Variants in APOBEC1 observed in about 807,000 individuals in gnomAD.
APOBEC1 encodes apolipoprotein B mRNA editing enzyme catalytic subunit 1, also known as C->U-editing enzyme APOBEC-1.
Under a neutral mutation model 26.3 loss-of-function variants are expected in APOBEC1, and 22 were observed. The ratio of observed to expected loss-of-function variants is 0.84; its 90% confidence interval spans 0.60 to 1.19. The LOEUF (loss-of-function observed/expected upper bound fraction) is 1.19. Among genes scored for constraint, APOBEC1 ranks in the 50% most tolerant of loss-of-function variants. The pLI, the probability that APOBEC1 is intolerant of heterozygous loss-of-function variation, is 0.00. For synonymous variants in APOBEC1, 77 were observed against 95.3 expected (o/e 0.81, Z 1.12); for missense variants, 253 against 289.0 (o/e 0.88, Z 0.90).
At position 7,662,086 on chromosome 12, in the gene APOBEC1, A is replaced by G. The variant is rs188277375; in HGVS notation, c.16+3771T>C. ...ACAGCAAGACCCCGTCTCTAAAAAC[A>G]AAACAAAACAAAACCAAACCTTTTT... On this transcript the variant is annotated intron_variant, in intron 1 of 4. Transcript: ENST00000229304. 7.1e-3 allele frequency among the ~76,000 whole-genome samples: 260 copies of G among 36,394 alleles called. 3 individuals carry two copies. Among genetic ancestry groups the G allele is most frequent in the African/African-American group, 0.01 (223 of 21,872 alleles). The allele number at this position is 36,394 out of a possible 152,430, so 23.9% of individuals were successfully genotyped here. A position where few individuals can be genotyped will look rare whatever the true frequency, so the allele number is the denominator to read the frequency against.
rs776493196 is a variant in APOBEC1, at chr12:7,651,178, C to T, written c.443-37G>A. ...CAAATCTTGGCTCATTCAACAAGCA[C>T]AATGGTAAATTACTTAAGAAGATCC... On this transcript the variant is annotated intron_variant, in intron 3 of 4. Transcript: ENST00000229304. The T allele has an allele frequency of 1.1e-5, 16 of 1,434,286 alleles. No individual in the cohort carries two copies. In the South Asian group the frequency reaches 1.7e-4, roughly 15 times the overall value. The allele number at this position is 1,434,286 out of a possible 1,614,324, so 88.8% of individuals were successfully genotyped here. A position where few individuals can be genotyped will look rare whatever the true frequency, so the allele number is the denominator to read the frequency against.
At chr12:7,652,385 C>T (rs2136838954) in intron 3 of APOBEC1, 53 bp downstream of exon 3, 2 of 1,510,514 alleles carry the variant, frequency 1.3e-6, no homozygotes, top group Non-Finnish European at 1.8e-6. Context: ...AAAACAGCTA[C>T]TATCACCACA....
At chr12:7,665,298 CT>C (rs1044014913) in intron 1 of APOBEC1, among the ~76,000 whole-genome samples, 2 of 151,598 alleles carry the variant, frequency 1.3e-5, no homozygotes, top group African/African-American at 4.8e-5. Context: ...TTTTACTTAA[CT>C]TTTTTTTTAT....
Position 7,659,485 on chromosome 12 carries a change from T to C in APOBEC1, c.17-4853A>G, listed in dbSNP as rs762519531. On this transcript the variant is annotated intron_variant, in intron 1 of 4. Transcript: ENST00000229304. ...TACAAATTAAAACCACAATGAGATATTCCTACACACCTATCAGAATGGCTA... is the reference window on the plus strand; with the variant it reads ...TACAAATTAAAACCACAATGAGATACTCCTACACACCTATCAGAATGGCTA... 6.6e-5 allele frequency among the ~76,000 whole-genome samples: 10 copies of C among 151,208 alleles called. No individual in the cohort carries two copies. The South Asian group carries it at 1.7e-3, about 25-fold the overall frequency.
chr12:7,670,064 A>G (rs6488569), upstream of APOBEC1, among the ~76,000 whole-genome samples: 13,966 of 127,472 alleles, frequency 0.11, 1,145 homozygotes, highest in African/African-American at 0.13. Flanking sequence ...GCTCACTGCA[A>G]CCTCCTCCTC....
chr12:7,667,275 G>A (rs1191986739), upstream of APOBEC1, among the ~76,000 whole-genome samples: 1 of 152,012 alleles, frequency 6.6e-6, no homozygotes, highest in Non-Finnish European at 1.5e-5. Context: ...ATTGCTCTCT[G>A]TTGCCTGAAC....
In APOBEC1 at chr12:7,654,632, C is replaced by G; in HGVS notation, c.17G>C (p.Gly6Ala). The G allele has an allele frequency of 1.2e-6, 2 of 1,613,856 alleles. No individual in the cohort carries two copies. The highest frequency in any genetic ancestry group is 1.7e-6 in the Non-Finnish European group (2 of 1,179,794). Reference protein sequence around the residue: MTSEKGPSTGDPTLRR... With the variant: MTSEKAPSTGDPTLRR... ...CAGAGTGGGGTCACCGGTTGAAGGA[C>G]CTGTTGACCAAGATATGATTATGTC... The change falls in exon 2 of 5, where the codon GGT becomes GCT. Residue 6 changes from glycine to alanine, a missense_variant and splice_region_variant. Physicochemically the swap from Gly to Ala is moderately conservative, Grantham distance 60. Transcript: ENST00000229304.
At chr12:7,668,815 G>GC (rs1344138074), upstream of APOBEC1, among the ~76,000 whole-genome samples, 2 of 151,934 alleles carry the variant, frequency 1.3e-5, no homozygotes, top group African/African-American at 2.4e-5. Context: ...TGTAGCCTCA[G>GC]CCCCCCGGGT....
At chr12:7,660,359 G>A (rs1483334148) in intron 1 of APOBEC1, among the ~76,000 whole-genome samples, 10 of 7,980 alleles carry the variant, frequency 1.3e-3, no homozygotes, top group South Asian at 0.012. Context: ...AAGGAAGGAA[G>A]GAAGGAAGGA....
At position 7,652,709 on chromosome 12, in the gene APOBEC1, G is replaced by A. The variant is rs766746295; in HGVS notation, c.171C>T (p.Asn57=). ...SRKIWRSSGK[N]TTNHVEVNFI... is the part of the protein sequence containing the mutation. ...AATTAACTTCCACGTGATTGGTGGT[G>A]TTTTTGCCTGAGCTTCGCCAGATCT... Residue 57 remains asparagine (N), a synonymous_variant, in exon 3 of 5, where the codon AAC becomes AAT. Coordinates refer to ENST00000229304, the MANE Select transcript of APOBEC1 (RefSeq NM_001644.5). 2 of 1,614,112 alleles carry A rather than the reference G, an allele frequency of 1.2e-6. No homozygotes were observed. The highest frequency in any genetic ancestry group is 2.2e-5 in the South Asian group (2 of 91,066).
Position 7,652,296 on chromosome 12 carries a change from C to G in APOBEC1, c.442+142G>C, listed in dbSNP as rs1863654436. On this transcript the variant is annotated intron_variant, in intron 3 of 4. Transcript: ENST00000229304. ...TTGTAACTTTCCTTGTCATGAATTT[C>G]AGACCTAGTCCTTTATGACATTATT... 4 of 706,102 alleles carry G rather than the reference C, an allele frequency of 5.7e-6. No individual in the cohort carries two copies. In the East Asian group the frequency reaches 1.1e-4, roughly 20 times the overall value. 43.7% of individuals were successfully genotyped at this position (706,102 alleles called of 1,614,324 possible).
chr12:7,668,236 A>G (rs972853128), upstream of APOBEC1, among the ~76,000 whole-genome samples: 1 of 152,130 alleles, frequency 6.6e-6, no homozygotes, highest in Non-Finnish European at 1.5e-5. Flanking sequence ...AAGGCAAGGA[A>G]TGGATTCTCC....
rs745697245 is a variant in APOBEC1, at chr12:7,652,770, C to T, written c.110G>A (p.Cys37Tyr). The T allele has an allele frequency of 6.2e-7, 1 of 1,613,974 alleles. No individual in the cohort carries two copies. The highest frequency in any genetic ancestry group is 8.5e-7 in the Non-Finnish European group (1 of 1,179,970). Residue 37 changes from cysteine to tyrosine, a missense_variant, in exon 3 of 5, where the codon TGT becomes TAT. By Grantham distance (194) the Cys-to-Tyr change is radical (BLOSUM62 -2). Coordinates refer to ENST00000229304, the MANE Select transcript of APOBEC1 (RefSeq NM_001644.5). ...GCCCCACTTGATTTCGTAGAGCAGA[C>T]AGGCCTCTTTACGAAGTTCTCTGGG... Reference protein sequence around the residue: ...YDPRELRKEACLLYEIKWGMS... With the variant: ...YDPRELRKEAYLLYEIKWGMS...
upstream of APOBEC1, among the ~76,000 whole-genome samples, chr12:7,667,648 C>G (rs997774287): frequency 2.0e-5 from 3 of 152,176 alleles, no homozygotes; most frequent in African/African-American, 7.2e-5. Flanking sequence ...GGCGCAGTGG[C>G]TCGCGCCTGT....
intron 1 of APOBEC1, among the ~76,000 whole-genome samples, chr12:7,657,653 G>A (rs749960042): frequency 1.3e-4 from 20 of 151,866 alleles, no homozygotes; most frequent in Middle Eastern, 3.2e-3. Context: ...CAAGATGGTC[G>A]CTTAAGCCTA....
intron 1 of APOBEC1, among the ~76,000 whole-genome samples, chr12:7,660,376 G>GAAGGAAGGAAGGAAGGAA (rs1290120140): frequency 1.6e-5 from 1 of 60,982 alleles, no homozygotes; most frequent in Non-Finnish European, 4.1e-5. Flanking sequence ...AGGAAGGAAG[G>GAAGGAAGGAAGGAAGGAA]AAAGAAAGAA....
upstream of APOBEC1, among the ~76,000 whole-genome samples, chr12:7,669,616 A>G (rs1477424880): frequency 6.6e-6 from 1 of 152,060 alleles, no homozygotes; most frequent in Non-Finnish European, 1.5e-5. Flanking sequence ...ATATTGCCCA[A>G]GTTGGTCTTG....
rs1863604009 is a variant in APOBEC1, at chr12:7,649,414, C to T, written c.*133G>A. 1 of 909,286 alleles carries T rather than the reference C, an allele frequency of 1.1e-6. No homozygotes were observed. The highest frequency in any genetic ancestry group is 1.7e-6 in the Non-Finnish European group (1 of 601,748). 56.3% of individuals were successfully genotyped at this position (909,286 alleles called of 1,614,324 possible). On this transcript the variant is annotated 3_prime_UTR_variant, in exon 5 of 5. Transcript: ENST00000229304. Reference sequence around the variant, plus strand: ...CCCACAGAAACTGCCAGAGGTAATACATATTTATTGTTGGTTTAAGCTACA... The same window carrying T: ...CCCACAGAAACTGCCAGAGGTAATATATATTTATTGTTGGTTTAAGCTACA...
intron 4 of APOBEC1, among the ~76,000 whole-genome samples, chr12:7,650,803 A>G (rs929847377): frequency 6.6e-5 from 10 of 152,210 alleles, no homozygotes; most frequent in Middle Eastern, 6.3e-3. Context: ...AGCTCACTGC[A>G]GCTTGCAACG....
Sources: allele counts gnomAD v4.1 joint callset (sites outside exome capture counted in the v4.1 genomes callset), GRCh38; gene constraint gnomAD v4.1.1; transcripts MANE v1.5; gene names NCBI Gene and HGNC (gene_info 2026-07-23, HGNC 2026-07-21).